The following USP32 variants were observed in gnomAD, a reference collection of about 807,000 sequenced individuals.
USP32 encodes ubiquitin specific peptidase 32.
Under a neutral mutation model 204.8 loss-of-function variants are expected in USP32, and 59 were observed. That is an observed-to-expected ratio of 0.29 (90% CI 0.23 to 0.36). The LOEUF (loss-of-function observed/expected upper bound fraction) is 0.36. Ranked by LOEUF, USP32 falls within the 10% of genes least tolerant of loss-of-function variation. The pLI, the probability that USP32 is intolerant of heterozygous loss-of-function variation, is 1.00. For missense variants in USP32, 1,160 were observed against 1,946.4 expected, an observed-to-expected ratio of 0.60 and a Z score of 7.60; for synonymous variants, 517 against 678.4, an observed-to-expected ratio of 0.76 and a Z score of 3.70.
intron 11 of USP32, among the ~76,000 whole-genome samples, chr17:60,238,301 C>G (rs1238628637): frequency 6.6e-6 from 1 of 151,796 alleles, no homozygotes; most frequent in Non-Finnish European, 1.5e-5. Context: ...GTTAGGAGAC[C>G]CTTATTGGAT....
intron 4 of USP32, among the ~76,000 whole-genome samples, chr17:60,292,460 T>G (rs1346419256): frequency 1.3e-5 from 2 of 152,168 alleles, no homozygotes. Flanking sequence ...AACCTGCTTC[T>G]CCATTACTCT....
chr17:60,368,991 A>ATTTTTTTTTTTTTT lies in USP32; in HGVS notation c.58+22877_58+22890dup, dbSNP rs758528054. ...ACATACACGAATTATTTTTTAAAAG[A>ATTTTTTTTTTTTTT]TTTTTTTTTTTTTTTTTTTTTGAGA... is the stretch of plus-strand genomic sequence containing the variant. On this transcript the variant is annotated intron_variant, in intron 1 of 33. Transcript: ENST00000300896. 2.6e-4 allele frequency among the ~76,000 whole-genome samples: 30 copies of ATTTTTTTTTTTTTT among 114,126 alleles called. 2 individuals are homozygous for ATTTTTTTTTTTTTT. Among genetic ancestry groups the ATTTTTTTTTTTTTT allele is most frequent in the African/African-American group, 1.5e-3 (29 of 19,584 alleles). 74.9% of individuals were successfully genotyped at this position (114,126 alleles called of 152,430 possible).
intron 1 of USP32, among the ~76,000 whole-genome samples, chr17:60,380,772 G>A (rs1390482719): frequency 1.3e-5 from 2 of 152,114 alleles, no homozygotes; most frequent in Non-Finnish European, 2.9e-5. Context: ...CTACTCATTT[G>A]CTATTTGAGA....
rs549234966 is a variant in USP32 at position 60,192,705 on chromosome 17, G to C, written c.3521+139C>G. On this transcript the variant is annotated intron_variant, in intron 28 of 33. Coordinates refer to ENST00000300896, the MANE Select transcript of USP32 (RefSeq NM_032582.4). ...TTCCCAAAGTGATGGGAATACAGGC[G>C]TGAGCCACCGTGCCCAGCCACAATT... The C allele has an allele frequency of 2.8e-6, 3 of 1,071,532 alleles. No individual in the cohort carries two copies. In the South Asian group the frequency reaches 4.6e-5, roughly 17 times the overall value. 66.4% of individuals were successfully genotyped at this position (1,071,532 alleles called of 1,614,324 possible).
chr17:60,294,520 T>A (rs1464498000), intron 4 of USP32, among the ~76,000 whole-genome samples, 163 bp downstream of exon 4: 1 of 152,026 alleles, frequency 6.6e-6, no homozygotes, highest in Non-Finnish European at 1.5e-5. Flanking sequence ...GTAACAGTAA[T>A]GAGAGTCATG....
intron 1 of USP32, among the ~76,000 whole-genome samples, chr17:60,410,222 A>G (rs1162591837): frequency 2.6e-5 from 4 of 152,130 alleles, no homozygotes; most frequent in Non-Finnish European, 5.9e-5. Context: ...CCAGCAACAC[A>G]TAGGAAGAAA....
chr17:60,389,567 T>A (rs191099566), intron 1 of USP32, among the ~76,000 whole-genome samples: 1 of 151,116 alleles, frequency 6.6e-6, no homozygotes, highest in African/African-American at 2.5e-5. Flanking sequence ...CTTCATAAAC[T>A]TTTTTTGTAA....
intron 1 of USP32, chr17:60,421,683 C>G: frequency 2.3e-6 from 2 of 856,876 alleles, no homozygotes; most frequent in Non-Finnish European, 2.8e-6. Context: ...GCGAGGGTCC[C>G]GGGGCCTCCT....
intron 1 of USP32, chr17:60,421,896 G>T (rs1486225635): frequency 7.1e-6 from 7 of 985,402 alleles, no homozygotes; most frequent in African/African-American, 5.2e-5. Context: ...AGCGCCTCCT[G>T]TGTGAAGCGG....
chr17:60,255,056 T>G (rs1269749790), intron 10 of USP32, 119 bp downstream of exon 10: 1 of 624,996 alleles, frequency 1.6e-6, no homozygotes, highest in South Asian at 2.6e-5. Context: ...TTCTTTTTTT[T>G]TTTTTTTAAT....
At chr17:60,351,236 C>T (rs1161946888) in intron 1 of USP32, among the ~76,000 whole-genome samples, 1 of 152,086 alleles carries the variant, frequency 6.6e-6, no homozygotes, top group Non-Finnish European at 1.5e-5. Flanking sequence ...AGGCACCAAT[C>T]TACCACCTAC....
chr17:60,336,715 CAAA>C (rs573590957), intron 2 of USP32, among the ~76,000 whole-genome samples: 3 of 71,590 alleles, frequency 4.2e-5, no homozygotes, highest in Non-Finnish European at 3.3e-5. Context: ...GACTCCATCT[CAAA>C]AAAAAAAAAA....
rs552843512 is a variant in USP32, at chr17:60,226,146, T to A, written c.1325A>T (p.Gln442Leu). 3.1e-6 allele frequency: 5 copies of A among 1,607,270 alleles called. 1 individual carries two copies. In the East Asian group the frequency reaches 1.1e-4, roughly 36 times the overall value. The change falls in exon 13 of 34, where the codon CAG (glutamine) becomes CTG (leucine). Residue 442 changes from glutamine to leucine, a missense_variant. By Grantham distance (113) the Gln-to-Leu change is moderately radical. Coordinates refer to ENST00000300896, the MANE Select transcript of USP32 (RefSeq NM_032582.4). ...GCTGCTTCCAATTCTATCTTCGACC[T>A]GCTCCATAGGATGGGCTGCAGTTCC... ...SFGTAAHPME[Q>L]VEDRIGSSLS...
chr17:60,323,043 T>C (rs1039551840), intron 2 of USP32, among the ~76,000 whole-genome samples: 3 of 152,126 alleles, frequency 2.0e-5, no homozygotes, highest in Non-Finnish European at 4.4e-5. Context: ...ACATATACTA[T>C]TGGTAGAAAT....
intron 1 of USP32, among the ~76,000 whole-genome samples, chr17:60,358,688 T>TA (rs900344647): frequency 2.8e-4 from 42 of 152,122 alleles, no homozygotes; most frequent in African/African-American, 9.7e-4. Context: ...AAAATGAGAT[T>TA]AAAAAATGAA....
At chr17:60,201,658 T>C (rs1406169473) in intron 26 of USP32, among the ~76,000 whole-genome samples, 1 of 151,546 alleles carries the variant, frequency 6.6e-6, no homozygotes, top group Non-Finnish European at 1.5e-5. Context: ...GTGTCGTTGA[T>C]CATTTTTTTT....
intron 10 of USP32, among the ~76,000 whole-genome samples, chr17:60,253,974 A>T (rs2086233133): frequency 6.6e-6 from 1 of 152,206 alleles, no homozygotes; most frequent in African/African-American, 2.4e-5. Context: ...TTAAATACAT[A>T]AAACTTAGTC....
At chr17:60,396,274 T>C (rs1248860073), upstream of USP32, among the ~76,000 whole-genome samples, 1 of 151,906 alleles carries the variant, frequency 6.6e-6, no homozygotes, top group Non-Finnish European at 1.5e-5. Context: ...ACAGAGTTTC[T>C]GTAGAGAGCC....
chr17:60,294,563 T>C, intron 4 of USP32, 120 bp downstream of exon 4: 1 of 558,794 alleles, frequency 1.8e-6, no homozygotes, highest in East Asian at 3.0e-5. Context: ...TCAATAAATA[T>C]AAAAATGCCA....
Sources: gnomAD v4.1 joint callset for allele counts (sites outside exome capture counted in the v4.1 genomes callset) on GRCh38, gnomAD v4.1.1 for gene constraint, MANE v1.5 for transcripts, NCBI Gene and HGNC (gene_info 2026-07-23, HGNC 2026-07-21) for gene names.